The following JMJD1C variants were observed in gnomAD, a reference collection of about 807,000 sequenced individuals.
JMJD1C encodes the protein jumonji domain-containing protein 1C.
Under a neutral mutation model 245.3 loss-of-function variants are expected in JMJD1C, and 31 were observed. The ratio of observed to expected loss-of-function variants is 0.13; its 90% CI spans 0.09 to 0.17. The LOEUF (loss-of-function observed/expected upper bound fraction) is 0.17, where lower values mean the gene tolerates loss of function less well. JMJD1C is among the 10% of genes least tolerant of loss of function. JMJD1C has a pLI of 1.00. For synonymous variants in JMJD1C, 1,057 were observed against 1,017.4 expected (o/e 1.04, Z -0.74); for missense variants, 2,691 against 3,000.2 (o/e 0.90, Z 2.41).
chr10:63,301,673 G>GGA, intron 2 of JMJD1C: 2 of 414,394 alleles, frequency 4.8e-6, no homozygotes, highest in Non-Finnish European at 4.8e-6. Flanking sequence ...CCTGACAAGG[G>GGA]GAGAGAGAGC....
intron 24 of JMJD1C, among the ~76,000 whole-genome samples, chr10:63,174,209 T>C (rs906636741): frequency 3.3e-5 from 5 of 152,222 alleles, no homozygotes; most frequent in African/African-American, 9.6e-5. Flanking sequence ...GAAATAAAAA[T>C]CTTTGTTCAC....
intron 3 of JMJD1C, among the ~76,000 whole-genome samples, chr10:63,230,775 C>A (rs1329681877): frequency 2.0e-5 from 3 of 150,834 alleles, no homozygotes; most frequent in Admixed American, 6.7e-5. Context: ...ACTGTCCCCC[C>A]CCCCAAAAAA....
intron 1 of JMJD1C, among the ~76,000 whole-genome samples, chr10:63,384,119 C>T (rs544062877): frequency 6.6e-6 from 1 of 152,296 alleles, no homozygotes; most frequent in Admixed American, 6.5e-5. Context: ...AACAATGCCT[C>T]ATCCATTCAA....
chr10:63,284,997 G>T (rs1857829865), intron 2 of JMJD1C, among the ~76,000 whole-genome samples: 1 of 152,036 alleles, frequency 6.6e-6, no homozygotes, highest in Non-Finnish European at 1.5e-5. Flanking sequence ...ACATCTTTGG[G>T]ATTTGGGAGG....
chr10:63,223,229 GTTTT>G (rs35485931), intron 3 of JMJD1C, among the ~76,000 whole-genome samples: 5 of 128,384 alleles, frequency 3.9e-5, no homozygotes, highest in Admixed American at 3.1e-4. Flanking sequence ...TTTCTGTGCT[GTTTT>G]TTTTTTTTTT....
chr10:63,329,495 G>T (rs1311802714), intron 2 of JMJD1C, among the ~76,000 whole-genome samples: 1 of 117,254 alleles, frequency 8.5e-6, no homozygotes, highest in Non-Finnish European at 1.8e-5. Flanking sequence ...AAAAAAAAAG[G>T]ATATGAACTG....
intron 2 of JMJD1C, among the ~76,000 whole-genome samples, chr10:63,312,624 T>G (rs1365665592): frequency 6.6e-6 from 1 of 152,152 alleles, no homozygotes; most frequent in Non-Finnish European, 1.5e-5. Context: ...ATTTAAAAAG[T>G]TGTGAAGTGG....
intron 2 of JMJD1C, among the ~76,000 whole-genome samples, chr10:63,296,494 A>G (rs930941311): frequency 1.3e-5 from 2 of 152,188 alleles, no homozygotes; most frequent in Admixed American, 6.5e-5. Context: ...AAAATCACTA[A>G]CCTAAACCAG....
At chr10:63,274,055 C>CGT (rs1311970327) in intron 2 of JMJD1C, among the ~76,000 whole-genome samples, 5 of 152,100 alleles carry the variant, frequency 3.3e-5, no homozygotes, top group Admixed American at 1.3e-4. Flanking sequence ...GCAAAAAACT[C>CGT]TGACAAGTTC....
chr10:63,340,070 T>TAAATA lies in JMJD1C; in HGVS notation c.333+40247_333+40248insTATTT, dbSNP rs773362844. Among the ~76,000 whole-genome samples the TAAATA allele has an allele frequency of 4.6e-5, 7 of 150,782 alleles. 1 individual carries two copies. In the South Asian group the frequency reaches 8.5e-4, roughly 18 times the overall value. ...GTGAGACTTCATTTCAATAAATAAA[T>TAAATA]AATAAGTAAATTACACATATATAGG... On this transcript the variant is annotated intron_variant, in intron 2 of 25. Transcript: ENST00000399262.
intron 1 of JMJD1C, among the ~76,000 whole-genome samples, chr10:63,503,653 C>T (rs1004700141): frequency 6.6e-6 from 1 of 152,224 alleles, no homozygotes; most frequent in Non-Finnish European, 1.5e-5. Flanking sequence ...CTGAGATTGG[C>T]TCTCACCAGC....
chr10:63,382,764 T>C (rs1359763741), intron 1 of JMJD1C: 6 of 455,808 alleles, frequency 1.3e-5, no homozygotes, highest in Admixed American at 2.4e-5. Context: ...CTTATATTTT[T>C]ATCCTAATTC....
At chr10:63,413,898 CA>C (rs1401613825) in intron 1 of JMJD1C, among the ~76,000 whole-genome samples, 7 of 151,256 alleles carry the variant, frequency 4.6e-5, no homozygotes, top group African/African-American at 1.7e-4. Context: ...GAAAAAGAAC[CA>C]TAGTGAAGAG....
intron 1 of JMJD1C, among the ~76,000 whole-genome samples, chr10:63,441,647 G>C (rs1170092694): frequency 6.6e-6 from 1 of 151,870 alleles, no homozygotes; most frequent in Non-Finnish European, 1.5e-5. Flanking sequence ...CCTTTTCCAA[G>C]CATCACCCAG....
At chr10:63,511,996 C>T (rs1371662797) in intron 1 of JMJD1C, among the ~76,000 whole-genome samples, 1 of 152,154 alleles carries the variant, frequency 6.6e-6, no homozygotes. Flanking sequence ...TCATTCAAGT[C>T]CACTCTCAAA....
At chr10:63,403,269 C>A (rs983524388) in intron 1 of JMJD1C, among the ~76,000 whole-genome samples, 3 of 152,090 alleles carry the variant, frequency 2.0e-5, no homozygotes, top group African/African-American at 7.2e-5. Context: ...AAACAAACTT[C>A]CAAAGTACAT....
chr10:63,350,526 G>A (rs1478330940), intron 2 of JMJD1C, among the ~76,000 whole-genome samples: 1 of 151,754 alleles, frequency 6.6e-6, no homozygotes, highest in Non-Finnish European at 1.5e-5. Flanking sequence ...TGGTATTATT[G>A]TTTTCTCCTT....
intron 2 of JMJD1C, among the ~76,000 whole-genome samples, chr10:63,311,764 A>ACAAAT (rs1338882703): frequency 2.0e-5 from 3 of 152,198 alleles, no homozygotes; most frequent in Non-Finnish European, 4.4e-5. Context: ...ACAAATTTAG[A>ACAAAT]CAGTGATTAC....
chr10:63,318,218 T>G (rs1197010454), intron 2 of JMJD1C, among the ~76,000 whole-genome samples: 1 of 152,164 alleles, frequency 6.6e-6, no homozygotes, highest in Non-Finnish European at 1.5e-5. Context: ...TGTCTCCTTA[T>G]GTTGCCCAGG....
Sources: allele counts gnomAD v4.1 joint callset (sites outside exome capture counted in the v4.1 genomes callset), GRCh38; gene constraint gnomAD v4.1.1; transcripts MANE v1.5; gene names NCBI Gene and HGNC (gene_info 2026-07-23, HGNC 2026-07-21).